FAR2: variants seen among roughly 807,000 people sequenced by gnomAD.
FAR2 encodes the protein epididymis secretory protein Li 81.
A neutral mutation model predicts 56.0 loss-of-function variants in FAR2; 19 were observed. The observed-to-expected ratio is 0.34, with a 90% CI of 0.24 to 0.50. The LOEUF (loss-of-function observed/expected upper bound fraction) is 0.50, where lower values mean the gene tolerates loss of function less well. Among genes scored for constraint, FAR2 ranks in the 20% least tolerant of loss-of-function variants. FAR2 has a pLI of 0.98. For synonymous variants in FAR2, 219 were observed against 218.8 expected (o/e 1.00, Z -0.01); for missense variants, 508 against 642.2 (o/e 0.79, Z 2.26).
chr12:29,272,225 T>C (rs1466525231), intron 2 of FAR2, among the ~76,000 whole-genome samples: 2 of 152,198 alleles, frequency 1.3e-5, no homozygotes, highest in Non-Finnish European at 2.9e-5. Context: ...CTAAAATGTG[T>C]TTTCCAGCTT....
intron 1 of FAR2, among the ~76,000 whole-genome samples, chr12:29,223,136 A>G (rs113622995): frequency 9.2e-5 from 14 of 152,290 alleles, no homozygotes; most frequent in African/African-American, 3.1e-4. Flanking sequence ...AAGTACTATT[A>G]CTAGCCCCAT....
chr12:29,264,151 G>A (rs1948472266), intron 1 of FAR2, among the ~76,000 whole-genome samples: 1 of 152,034 alleles, frequency 6.6e-6, no homozygotes, highest in African/African-American at 2.4e-5. Context: ...ATCCAAGGGA[G>A]GCAAGGATGG....
chr12:29,267,590 C>T lies in FAR2; in HGVS notation c.-38-2822C>T, dbSNP rs141741328. On this transcript the variant is annotated intron_variant, in intron 1 of 11. Transcript: ENST00000536681. Reference sequence around the variant, plus strand: ...CTACTTTTCTGAGCTCCAAAGCAGGCAAGGCAAGAATGTTTAATACTGTTT... The same window carrying T: ...CTACTTTTCTGAGCTCCAAAGCAGGTAAGGCAAGAATGTTTAATACTGTTT... 1.3e-4 allele frequency among the ~76,000 whole-genome samples: 20 copies of T among 152,270 alleles called. No individual in the cohort carries two copies. The East Asian group carries it at 3.3e-3, about 25-fold the overall frequency.
At chr12:29,201,049 G>C (rs1321309850) in intron 1 of FAR2, among the ~76,000 whole-genome samples, 3 of 152,100 alleles carry the variant, frequency 2.0e-5, no homozygotes, top group Admixed American at 6.5e-5. Context: ...GTGCCCCCTT[G>C]AGAGGAGTGC....
At chr12:29,184,421 T>A (rs1445333356) in intron 1 of FAR2, among the ~76,000 whole-genome samples, 4 of 117,298 alleles carry the variant, frequency 3.4e-5, no homozygotes, top group African/African-American at 9.8e-5. Context: ...CAATCTAGCA[T>A]CTTTTTTTTT....
At chr12:29,323,484 G>C (rs1456926293) in intron 10 of FAR2, among the ~76,000 whole-genome samples, 1 of 152,220 alleles carries the variant, frequency 6.6e-6, no homozygotes, top group South Asian at 2.1e-4. Context: ...TAGCCTAACT[G>C]GGAGGCACCC....
chr12:29,192,662 A>G (rs4536271), intron 1 of FAR2, among the ~76,000 whole-genome samples: 6,948 of 152,318 alleles, frequency 0.046, 237 homozygotes, highest in South Asian at 0.14. Flanking sequence ...TATTATATAT[A>G]AACATATGAC....
intron 1 of FAR2, among the ~76,000 whole-genome samples, chr12:29,238,836 T>C (rs1947981447): frequency 1.3e-5 from 2 of 152,354 alleles, no homozygotes; most frequent in South Asian, 4.1e-4. Flanking sequence ...ATTAGTTTTC[T>C]ATTGTTTTAT....
chr12:29,203,893 G>A (rs575682980), intron 1 of FAR2, among the ~76,000 whole-genome samples: 3 of 150,366 alleles, frequency 2.0e-5, no homozygotes, highest in East Asian at 4.0e-4. Context: ...CCAGCTACTC[G>A]GGAGGCTGAG....
chr12:29,178,529 G>A (rs1488672463), intron 1 of FAR2, among the ~76,000 whole-genome samples: 4 of 152,174 alleles, frequency 2.6e-5, no homozygotes, highest in Middle Eastern at 3.2e-3. Context: ...CTGGGACGTC[G>A]AGTCACAGTG....
chr12:29,255,905 T>C (rs925211310), intron 1 of FAR2, among the ~76,000 whole-genome samples: 3 of 152,196 alleles, frequency 2.0e-5, no homozygotes, highest in African/African-American at 7.2e-5. Flanking sequence ...AGTCTCACTG[T>C]GTCACCCAGG....
chr12:29,252,313 AGGAATGAAGGTTTGGGTCAT>A (rs1948227301), intron 1 of FAR2, among the ~76,000 whole-genome samples: 1 of 152,216 alleles, frequency 6.6e-6, no homozygotes, highest in African/African-American at 2.4e-5. Flanking sequence ...CAGACCTTTC[AGGAATGAAGGTTTGGGTCAT>A]CCCACGAGGT....
At chr12:29,210,945 A>C (rs200107517) in intron 1 of FAR2, among the ~76,000 whole-genome samples, 14 of 7,672 alleles carry the variant, frequency 1.8e-3, no homozygotes, top group African/African-American at 2.2e-3. Flanking sequence ...CGTCTTAAAA[A>C]CAAAAAAAAA....
chr12:29,316,776 C>T, intron 8 of FAR2, 65 bp from the exon 9 acceptor site: 2 of 1,504,370 alleles, frequency 1.3e-6, no homozygotes, highest in East Asian at 4.5e-5. Context: ...ATTACAAATG[C>T]TTTCCACTAT....
At chr12:29,296,981 A>C in intron 3 of FAR2, 40 bp from the exon 4 acceptor site, 1 of 1,538,962 alleles carries the variant, frequency 6.5e-7, no homozygotes, top group East Asian at 2.3e-5. Flanking sequence ...CATGATACTG[A>C]CTTACTTCAT....
intron 1 of FAR2, among the ~76,000 whole-genome samples, chr12:29,173,516 A>G (rs964623877): frequency 6.6e-6 from 1 of 152,180 alleles, no homozygotes; most frequent in Non-Finnish European, 1.5e-5. Flanking sequence ...AGAAAAGATC[A>G]AGCTGCAGGA....
At chr12:29,157,687 G>C (rs1205154561) in intron 1 of FAR2, among the ~76,000 whole-genome samples, 1 of 152,118 alleles carries the variant, frequency 6.6e-6, no homozygotes, top group African/African-American at 2.4e-5. Flanking sequence ...TTTAAAAATC[G>C]TGCACTATTT....
At chr12:29,286,941 G>T (rs901190591) in intron 2 of FAR2, among the ~76,000 whole-genome samples, 4 of 152,128 alleles carry the variant, frequency 2.6e-5, no homozygotes, top group Admixed American at 2.6e-4. Flanking sequence ...CGATAGTCAG[G>T]TGGTTGGCAT....
rs534558517 is a variant in FAR2 at position 29,174,962 on chromosome 12, G to A, written c.-39+25555G>A. Among the ~76,000 whole-genome samples, 7 of 152,306 alleles carry A rather than the reference G, an allele frequency of 4.6e-5. No homozygotes were observed. In the South Asian group the frequency reaches 1.2e-3, roughly 27 times the overall value. ...CCCTCGGCTCAGCCCAGAAGTACAG[G>A]AGATGTGGAACCTGGTTCCAGGCAA... is the stretch of plus-strand genomic sequence containing the variant. On this transcript the variant is annotated intron_variant, in intron 1 of 11. Transcript: ENST00000536681.
Sources: gnomAD v4.1 joint callset for allele counts (sites outside exome capture counted in the v4.1 genomes callset) on GRCh38, gnomAD v4.1.1 for gene constraint, MANE v1.5 for transcripts, NCBI Gene and HGNC (gene_info 2026-07-23, HGNC 2026-07-21) for gene names.